RAPH1: variants seen among roughly 807,000 people sequenced by gnomAD.
RAPH1 encodes the protein Ras association (RalGDS/AF-6) and pleckstrin homology domains 1.
In RAPH1, 18 loss-of-function variants were observed where a neutral mutation model predicts 88.1. The ratio of observed to expected loss-of-function variants is 0.20; its 90% CI spans 0.14 to 0.30. The LOEUF (loss-of-function observed/expected upper bound fraction) is 0.30, where lower values mean the gene tolerates loss of function less well. Ranked by LOEUF, RAPH1 falls within the 10% of genes least tolerant of loss-of-function variation. The probability of loss-of-function intolerance (pLI) is 1.00; values close to 1 mark genes in which losing one functional copy is unlikely to be tolerated. For missense variants in RAPH1, 1,448 were observed against 1,543.2 expected, an observed-to-expected ratio of 0.94 and a Z score of 1.03; for synonymous variants, 587 against 559.0, an observed-to-expected ratio of 1.05 and a Z score of -0.71.
chr2:203,457,938 A>G (rs180795165), intron 7 of RAPH1, among the ~76,000 whole-genome samples: 5 of 152,356 alleles, frequency 3.3e-5, no homozygotes, highest in East Asian at 1.9e-4. Context: ...TTAGAAATTC[A>G]TAAGTACAAC....
At chr2:203,487,448 T>C (rs955733422) in intron 4 of RAPH1, among the ~76,000 whole-genome samples, 2 of 151,622 alleles carry the variant, frequency 1.3e-5, no homozygotes, top group Non-Finnish European at 3.0e-5. Flanking sequence ...TGGCACGATC[T>C]TGGCTCACTG....
At chr2:203,519,169 C>A (rs1689754912) in intron 1 of RAPH1, among the ~76,000 whole-genome samples, 1 of 151,338 alleles carries the variant, frequency 6.6e-6, no homozygotes, top group South Asian at 2.1e-4. Context: ...AATCCTAATA[C>A]CAAAACCAGA....
chr2:203,506,149 G>A (rs1016141007), intron 1 of RAPH1, among the ~76,000 whole-genome samples: 5 of 152,174 alleles, frequency 3.3e-5, no homozygotes, highest in African/African-American at 9.7e-5. Context: ...AGGAAAGGGG[G>A]TAACAAATAG....
chr2:203,534,027 A>G (rs1296889918), intron 1 of RAPH1, among the ~76,000 whole-genome samples: 1 of 152,170 alleles, frequency 6.6e-6, no homozygotes. Flanking sequence ...GGTGTCACCC[A>G]GCCTAACTGA....
chr2:203,472,952 G>C (rs555799048), intron 4 of RAPH1, among the ~76,000 whole-genome samples: 1 of 152,152 alleles, frequency 6.6e-6, no homozygotes. Context: ...TATTCAAATA[G>C]CTTAAAATAA....
At chr2:203,457,002 A>G in intron 8 of RAPH1, among the ~76,000 whole-genome samples, 1 of 152,076 alleles carries the variant, frequency 6.6e-6, no homozygotes, top group Admixed American at 6.6e-5. Context: ...TTCTTAGATC[A>G]CTAGAATATG....
At chr2:203,533,700 T>G (rs554962780) in intron 1 of RAPH1, among the ~76,000 whole-genome samples, 278 of 152,234 alleles carry the variant, frequency 1.8e-3, no homozygotes, top group African/African-American at 6.5e-3. Flanking sequence ...TATAGTTCAC[T>G]GTATTACACT....
In RAPH1 at chr2:203,440,433, G is replaced by A. The variant is rs1243822449; in HGVS notation, c.2757C>T (p.Pro919=). ...IPVPSPDFPP[P]PPESSLVFPP... ...GAAACACCAGGCTGCTTTCAGGAGG[G>A]GGAGGAGGGAAGTCCGGAGAAGGGA... Residue 919 remains proline, a synonymous_variant, in exon 14 of 14, where the codon CCC becomes CCT. Coordinates refer to ENST00000319170, the MANE Select transcript of RAPH1 (RefSeq NM_213589.3). 1.3e-6 allele frequency: 2 copies of A among 1,548,062 alleles called. No individual in the cohort carries two copies. The highest frequency in any genetic ancestry group is 1.7e-6 in the Non-Finnish European group (2 of 1,148,700).
chr2:203,506,900 T>TA (rs1559495239), intron 1 of RAPH1, among the ~76,000 whole-genome samples: 11,807 of 91,458 alleles, frequency 0.13, 1,402 homozygotes, highest in Non-Finnish European at 0.17. Context: ...ATATATATAT[T>TA]TTTTTTTTTT....
chr2:203,443,586 C>T (rs1475235482), intron 13 of RAPH1: 2 of 149,342 alleles, frequency 1.3e-5, no homozygotes, highest in Non-Finnish European at 3.0e-5. Context: ...TAGTCTTCCA[C>T]ATAAAGTATA....
At chr2:203,487,726 T>G (rs1688037235) in intron 4 of RAPH1, among the ~76,000 whole-genome samples, 1 of 152,170 alleles carries the variant, frequency 6.6e-6, no homozygotes, top group Admixed American at 6.5e-5. Context: ...ATATACCACT[T>G]AGATAAGTTT....
intron 1 of RAPH1, among the ~76,000 whole-genome samples, chr2:203,497,551 T>C (rs1360264028): frequency 6.6e-6 from 1 of 152,204 alleles, no homozygotes; most frequent in Non-Finnish European, 1.5e-5. Flanking sequence ...CTGAAAATCA[T>C]ATCATATCTC....
intron 4 of RAPH1, among the ~76,000 whole-genome samples, chr2:203,470,560 C>T (rs1332493647): frequency 6.6e-6 from 1 of 152,204 alleles, no homozygotes; most frequent in Non-Finnish European, 1.5e-5. Context: ...GCTGATCCCT[C>T]CCTCTTTGGG....
At chr2:203,454,777 G>C (rs968722196) in intron 9 of RAPH1, among the ~76,000 whole-genome samples, 1 of 152,146 alleles carries the variant, frequency 6.6e-6, no homozygotes. Context: ...ACACTAACTT[G>C]TTAAGGAGTG....
intron 1 of RAPH1, among the ~76,000 whole-genome samples, chr2:203,505,810 T>C (rs966865446): frequency 1.1e-4 from 16 of 152,320 alleles, no homozygotes; most frequent in Admixed American, 5.9e-4. Flanking sequence ...ACTGCAGCCC[T>C]AGCAAATGAA....
At chr2:203,531,355 G>A (rs1318034693) in intron 1 of RAPH1, among the ~76,000 whole-genome samples, 1 of 152,088 alleles carries the variant, frequency 6.6e-6, no homozygotes, top group East Asian at 1.9e-4. Flanking sequence ...GTATACCTAT[G>A]TAACAAACCT....
intron 1 of RAPH1, among the ~76,000 whole-genome samples, chr2:203,521,800 T>G (rs1000320149): frequency 1.3e-5 from 2 of 152,116 alleles, no homozygotes; most frequent in Non-Finnish European, 2.9e-5. Context: ...ATAACTAAAT[T>G]GTGCATGCAA....
At position 203,437,011 on chromosome 2, in the gene RAPH1, G is replaced by T. The variant is rs187767137; in HGVS notation, c.*2426C>A. 2 of 112,426 alleles carry T rather than the reference G, an allele frequency of 1.8e-5. No individual in the cohort carries two copies. The highest frequency in any genetic ancestry group is 4.5e-4 in the East Asian group (2 of 4,420). 7.0% of individuals were successfully genotyped at this position (112,426 alleles called of 1,614,324 possible). A position where few individuals can be genotyped will look rare whatever the true frequency, so the allele number is the denominator to read the frequency against. On this transcript the variant is annotated 3_prime_UTR_variant, in exon 14 of 14. Coordinates refer to ENST00000319170, the MANE Select transcript of RAPH1 (RefSeq NM_213589.3). ...ATGGCCTGTTGTCGGACAAGCCACT[G>T]GACTGGGGTTAAAATGAGTCTCCTC...
intron 1 of RAPH1, among the ~76,000 whole-genome samples, chr2:203,526,437 T>C (rs1475372249): frequency 1.3e-5 from 2 of 152,138 alleles, no homozygotes; most frequent in Non-Finnish European, 2.9e-5. Context: ...AAGAATACTA[T>C]ACACTGGCCA....
Sources: allele counts gnomAD v4.1 joint callset (sites outside exome capture counted in the v4.1 genomes callset), GRCh38; gene constraint gnomAD v4.1.1; transcripts MANE v1.5; gene names NCBI Gene and HGNC (gene_info 2026-07-23, HGNC 2026-07-21).